The following ARK2C variants were observed in gnomAD, a reference collection of about 807,000 sequenced individuals.
ARK2C encodes arkadia (RNF111) C-terminal like ring finger ubiquitin ligase 2C, also known as E3 ubiquitin-protein ligase ARK2C.
At chr18:46,371,607 C>G in the ARK2C span, among the ~76,000 whole-genome samples, 1 of 152,216 alleles carries the variant, frequency 6.6e-6, no homozygotes, top group Admixed American at 6.5e-5. Flanking sequence ...CACCTGGGCA[C>G]CTGGTACCCA....
the ARK2C span, among the ~76,000 whole-genome samples, chr18:46,364,532 T>C: frequency 1.2e-4 from 18 of 152,118 alleles, no homozygotes; most frequent in South Asian, 1.5e-3. Flanking sequence ...AGACATATCA[T>C]TTCAGGCCAC....
At chr18:46,406,730 C>T in the ARK2C span, among the ~76,000 whole-genome samples, 8 of 152,246 alleles carry the variant, frequency 5.3e-5, no homozygotes, top group Non-Finnish European at 8.8e-5. Context: ...GGCCAGCCAC[C>T]GGTAATGCAG....
chr18:46,336,207 T>C, the ARK2C span: 4 of 985,228 alleles, frequency 4.1e-6, no homozygotes, highest in Non-Finnish European at 4.8e-6. Context: ...CAAAAATGAT[T>C]AAGAAGGATG....
chr18:46,399,961 G>A, the ARK2C span, among the ~76,000 whole-genome samples: 2 of 152,174 alleles, frequency 1.3e-5, no homozygotes, highest in Non-Finnish European at 2.9e-5. Context: ...GGTGATCAGG[G>A]CAAGTGGCTC....
At chr18:46,421,514 A>C in the ARK2C span, among the ~76,000 whole-genome samples, 1 of 152,240 alleles carries the variant, frequency 6.6e-6, no homozygotes, top group Non-Finnish European at 1.5e-5. Flanking sequence ...TGCCTTCCAC[A>C]AAATGCCTTG....
the ARK2C span, among the ~76,000 whole-genome samples, chr18:46,363,399 GCTC>G: frequency 6.6e-6 from 1 of 152,224 alleles, no homozygotes; most frequent in Non-Finnish European, 1.5e-5. Flanking sequence ...CTCAGCCAGA[GCTC>G]CTCTTTTTTG....
chr18:46,374,072 C>A, the ARK2C span, among the ~76,000 whole-genome samples: 2 of 152,146 alleles, frequency 1.3e-5, no homozygotes, highest in African/African-American at 4.8e-5. Flanking sequence ...GCATTCTTGT[C>A]ATCCCTGTCC....
At chr18:46,441,206 T>C in the ARK2C span, among the ~76,000 whole-genome samples, 1 of 152,126 alleles carries the variant, frequency 6.6e-6, no homozygotes, top group Non-Finnish European at 1.5e-5. Flanking sequence ...TTGCCTAGGC[T>C]GATCCTCTAC....
At chr18:46,370,934 G>A in the ARK2C span, among the ~76,000 whole-genome samples, 1 of 152,142 alleles carries the variant, frequency 6.6e-6, no homozygotes, top group African/African-American at 2.4e-5. Context: ...AGGTGTATTA[G>A]TCTGTTCTCA....
chr18:46,427,800 A>T, the ARK2C span, among the ~76,000 whole-genome samples: 163 of 152,352 alleles, frequency 1.1e-3, no homozygotes, highest in African/African-American at 3.8e-3. Context: ...GTGAAGAGAC[A>T]GCTCAAGGTA....
the ARK2C span, among the ~76,000 whole-genome samples, chr18:46,377,493 G>T: frequency 1.3e-5 from 2 of 152,188 alleles, no homozygotes; most frequent in Non-Finnish European, 2.9e-5. Flanking sequence ...GGCAGCAAGT[G>T]GCTGGAGGGG....
chr18:46,336,617 T>C, the ARK2C span: 3 of 985,358 alleles, frequency 3.0e-6, no homozygotes, highest in African/African-American at 5.2e-5. Context: ...CTTAAATCTG[T>C]TCTTTTTAGT....
chr18:46,445,964 C>T, the ARK2C span, among the ~76,000 whole-genome samples: 1 of 151,484 alleles, frequency 6.6e-6, no homozygotes, highest in East Asian at 1.9e-4. Context: ...GTAGTTTCCC[C>T]TTACCTGGAT....
At chr18:46,433,111 G>A in the ARK2C span, 2 of 1,128,320 alleles carry the variant, frequency 1.8e-6, no homozygotes, top group Non-Finnish European at 1.2e-6. Context: ...GCCCCAGGCT[G>A]CCCCGGGTGG....
At chr18:46,345,462 A>G in the ARK2C span, among the ~76,000 whole-genome samples, 1 of 152,182 alleles carries the variant, frequency 6.6e-6, no homozygotes, top group Admixed American at 6.5e-5. Flanking sequence ...GGGAGGCATC[A>G]GGTTCCCGCC....
At chr18:46,379,049 C>T in the ARK2C span, among the ~76,000 whole-genome samples, 2 of 152,188 alleles carry the variant, frequency 1.3e-5, no homozygotes, top group Non-Finnish European at 2.9e-5. Context: ...GGGCATCAGC[C>T]AGCATCTGTT....
the ARK2C span, among the ~76,000 whole-genome samples, chr18:46,432,727 G>A: frequency 1.3e-5 from 2 of 152,208 alleles, no homozygotes; most frequent in Non-Finnish European, 2.9e-5. Context: ...GGAGGCCGAG[G>A]CGGGTGGATC....
At chr18:46,399,004 A>G in the ARK2C span, among the ~76,000 whole-genome samples, 4 of 152,118 alleles carry the variant, frequency 2.6e-5, no homozygotes, top group Non-Finnish European at 5.9e-5. Context: ...AGAGATCCTG[A>G]TTCTGTGAGT....
chr18:46,428,689 G>C, the ARK2C span, among the ~76,000 whole-genome samples: 1 of 152,180 alleles, frequency 6.6e-6, no homozygotes, highest in East Asian at 1.9e-4. Flanking sequence ...GACATAGTAA[G>C]AAAAGGAAAG....
Sources: allele counts gnomAD v4.1 joint callset (sites outside exome capture counted in the v4.1 genomes callset), GRCh38; gene constraint gnomAD v4.1.1; transcripts MANE v1.5; gene names NCBI Gene and HGNC (gene_info 2026-07-23, HGNC 2026-07-21).